Variants in RECK observed in about 807,000 individuals in gnomAD.
RECK encodes reversion-inducing cysteine-rich protein with Kazal motifs.
In RECK, 69 loss-of-function variants were observed where a neutral mutation model predicts 115.1. The ratio of observed to expected loss-of-function variants is 0.60; its 90% CI spans 0.49 to 0.73. The LOEUF (loss-of-function observed/expected upper bound fraction) is 0.73, where lower values mean the gene tolerates loss of function less well. Among genes scored for constraint, RECK ranks in the 30% least tolerant of loss-of-function variants. The pLI is 0.00. For synonymous variants in RECK, 414 were observed against 419.7 expected, an observed-to-expected ratio of 0.99 and a Z score of 0.17; for missense variants, 1,047 against 1,203.7, an observed-to-expected ratio of 0.87 and a Z score of 1.93.
chr9:36,090,850 G>T (rs1474253509), intron 9 of RECK, among the ~76,000 whole-genome samples: 1 of 151,448 alleles, frequency 6.6e-6, no homozygotes, highest in Non-Finnish European at 1.5e-5. Context: ...AAAGAAATCA[G>T]AAAGATATAG....
chr9:36,108,319 A>G (rs1364976460), intron 14 of RECK, among the ~76,000 whole-genome samples, 155 bp downstream of exon 14: 1 of 152,192 alleles, frequency 6.6e-6, no homozygotes, highest in Non-Finnish European at 1.5e-5. Context: ...TAGGACTTCT[A>G]AGGAAGTCTT....
At chr9:36,104,292 GTATA>G (rs11273343) in intron 12 of RECK, among the ~76,000 whole-genome samples, 1,229 of 43,846 alleles carry the variant, frequency 0.028, 73 homozygotes, top group African/African-American at 0.09. Context: ...GTGTGTGTGT[GTATA>G]TATATATATA....
At chr9:36,119,442 A>G (rs1427290880) in intron 18 of RECK, among the ~76,000 whole-genome samples, 1 of 152,220 alleles carries the variant, frequency 6.6e-6, no homozygotes, top group Non-Finnish European at 1.5e-5. Context: ...ATATAATCAG[A>G]AAAGTTTTGT....
intron 12 of RECK, 114 bp from the exon 13 acceptor site, chr9:36,105,029 C>A: frequency 6.6e-6 from 5 of 762,792 alleles, no homozygotes; most frequent in South Asian, 2.1e-5. Context: ...AGAATCAGGC[C>A]TTACTTTACA....
intron 6 of RECK, among the ~76,000 whole-genome samples, chr9:36,073,786 TTTTA>T (rs1822338319): frequency 6.6e-6 from 1 of 152,178 alleles, no homozygotes; most frequent in African/African-American, 2.4e-5. Flanking sequence ...GACCCTGTTG[TTTTA>T]TTTGTTAGTT....
chr9:36,105,125 C>G lies in RECK; in HGVS notation c.1436-18C>G, dbSNP rs1823746118. 1 of 1,609,982 alleles carries G rather than the reference C, an allele frequency of 6.2e-7. No individual in the cohort carries two copies. Among genetic ancestry groups the G allele is most frequent in the African/African-American group, 1.3e-5 (1 of 74,760 alleles). On this transcript the variant is annotated intron_variant, in intron 12 of 20. Transcript: ENST00000377966. ...ACTCTTTTAGGTTGGTTAAACTAATCTGTTTTGGTTTTTTCAGGGCCAAGT... is the reference window on the plus strand; with the variant it reads ...ACTCTTTTAGGTTGGTTAAACTAATGTGTTTTGGTTTTTTCAGGGCCAAGT...
rs187441928 is a variant in RECK, at chr9:36,044,087, T to C, written c.100+6989T>C. On this transcript the variant is annotated intron_variant, in intron 1 of 20. Coordinates refer to ENST00000377966, the MANE Select transcript of RECK (RefSeq NM_021111.3). ...ATGGTCATTTTGACAATATTGATTC[T>C]ACCCATCCGTGAGCATGGGATATGT... Among the ~76,000 whole-genome samples, 89 of 152,372 alleles carry C rather than the reference T, an allele frequency of 5.8e-4. 1 individual carries two copies. Among genetic ancestry groups the C allele is most frequent in the Admixed American group, 5.7e-3 (87 of 15,312 alleles).
rs1823589445 is a variant in RECK at position 36,102,151 on chromosome 9, C to T, written c.1356C>T (p.Asp452=). ...GAGACCAGAACAAATTCCCTGAAGA[C>T]CACACAGCTGAAAGTATTTGTGAGC... is the stretch of plus-strand genomic sequence containing the variant. ...KCGDQNKFPE[D]HTAESICELL... The change falls in exon 12 of 21, where the codon GAC becomes GAT. Residue 452 remains aspartate (D), a synonymous_variant. Coordinates refer to ENST00000377966, the MANE Select transcript of RECK (RefSeq NM_021111.3). The T allele has an allele frequency of 6.2e-7, 1 of 1,613,252 alleles. No individual in the cohort carries two copies.
chr9:36,066,279 C>G (rs1215932529), intron 6 of RECK, among the ~76,000 whole-genome samples: 1 of 152,118 alleles, frequency 6.6e-6, no homozygotes, highest in Non-Finnish European at 1.5e-5. Flanking sequence ...CTACTTTGTT[C>G]ATTTTCTAGA....
At chr9:36,085,622 C>A (rs1822923046) in intron 8 of RECK, 1 of 151,948 alleles carries the variant, frequency 6.6e-6, no homozygotes, top group South Asian at 2.1e-4. Flanking sequence ...GAGGCTGATG[C>A]TGGAGGATCG....
In RECK at chr9:36,112,385, C is replaced by T. The variant is rs780642821; in HGVS notation, c.1969C>T (p.Arg657Cys). ...CACTTACCCCAGTGCCTGCATTGCT[C>T]GCTGTGTGGGCCTCCAAGACCATCA... is the stretch of plus-strand genomic sequence containing the variant. The part of the protein sequence containing the change: ...GRTYPSACIA[R>C]CVGLQDHQFE... Residue 657 changes from arginine to cysteine, a missense_variant, in exon 16 of 21, where the codon CGC (arginine) becomes TGC (cysteine). Coordinates refer to ENST00000377966, the MANE Select transcript of RECK (RefSeq NM_021111.3). 206 of 1,613,864 alleles carry T rather than the reference C, an allele frequency of 1.3e-4. 1 individual carries two copies. The highest frequency in any genetic ancestry group is 1.7e-4 in the Non-Finnish European group (197 of 1,180,016).
chr9:36,084,389 T>TA (rs1318023476), intron 8 of RECK, among the ~76,000 whole-genome samples: 5 of 150,346 alleles, frequency 3.3e-5, no homozygotes, highest in African/African-American at 1.2e-4. Flanking sequence ...AGAGCCTGTC[T>TA]AAAAAAACAA....
At chr9:36,085,760 G>A (rs1290936108) in intron 8 of RECK, 1 of 151,958 alleles carries the variant, frequency 6.6e-6, no homozygotes, top group African/African-American at 2.4e-5. Flanking sequence ...CTTGTTTTTT[G>A]TAACTCAGTA....
intron 12 of RECK, among the ~76,000 whole-genome samples, chr9:36,103,751 G>A (rs1279657718): frequency 1.3e-5 from 2 of 152,172 alleles, no homozygotes; most frequent in East Asian, 1.9e-4. Context: ...GCAAAAAAGA[G>A]AGCATTAGAC....
At chr9:36,097,775 C>G (rs920415084) in intron 10 of RECK, among the ~76,000 whole-genome samples, 3 of 152,136 alleles carry the variant, frequency 2.0e-5, no homozygotes, top group African/African-American at 4.8e-5. Context: ...GTAGAATCAA[C>G]CTGTATTCAT....
intron 6 of RECK, among the ~76,000 whole-genome samples, chr9:36,068,109 G>T (rs1334878037): frequency 3.9e-5 from 6 of 152,100 alleles, no homozygotes; most frequent in African/African-American, 1.4e-4. Flanking sequence ...TGTAAAAGGA[G>T]ACCAATATAT....
Position 36,117,096 on chromosome 9 carries a change from T to C in RECK, c.2172T>C (p.Cys724=), listed in dbSNP as rs1177826010. The part of the protein sequence containing the change: ...LACDQVQDPV[C]DTDHMEHNNL... Reference sequence around the variant, plus strand: ...GTGACCAGGTCCAAGATCCTGTTTGTGACACAGACCACATGGAGCACAACA... The same window carrying C: ...GTGACCAGGTCCAAGATCCTGTTTGCGACACAGACCACATGGAGCACAACA... The change falls in exon 17 of 21, where the codon TGT becomes TGC. Residue 724 remains cysteine, a synonymous_variant. Transcript: ENST00000377966. 1 of 1,614,222 alleles carries C rather than the reference T, an allele frequency of 6.2e-7. No individual in the cohort carries two copies. Among genetic ancestry groups the C allele is most frequent in the South Asian group, 1.1e-5 (1 of 91,086 alleles).
intron 2 of RECK, among the ~76,000 whole-genome samples, chr9:36,057,921 A>G (rs1821596034): frequency 6.6e-6 from 1 of 152,072 alleles, no homozygotes; most frequent in Non-Finnish European, 1.5e-5. Flanking sequence ...ATCACTGGCC[A>G]TCAGAGAAAT....
At position 36,123,941 on chromosome 9, in the gene RECK, AGGT is replaced by A. The variant is rs1207868763; in HGVS notation, c.*898_*900del. On this transcript the variant is annotated 3_prime_UTR_variant, in exon 21 of 21. Transcript: ENST00000377966. ...TTATATTTCTATTTTATTATGAAGA[AGGT>A]GAATAGCCATATTTGTAAAATGACA... 1.3e-5 allele frequency: 2 copies of A among 152,606 alleles called. No homozygotes were observed. Among genetic ancestry groups the A allele is most frequent in the African/African-American group, 4.8e-5 (2 of 41,384 alleles). The allele number at this position is 152,606 out of a possible 1,614,324, so 9.5% of individuals were successfully genotyped here.
Sources: gnomAD v4.1 joint callset for allele counts (sites outside exome capture counted in the v4.1 genomes callset) on GRCh38, gnomAD v4.1.1 for gene constraint, MANE v1.5 for transcripts, NCBI Gene and HGNC (gene_info 2026-07-23, HGNC 2026-07-21) for gene names.